The following EIF4E3 variants were observed in gnomAD, a reference collection of about 807,000 sequenced individuals.
EIF4E3 encodes the protein eukaryotic translation initiation factor 4E family member 3.
EIF4E3 carries 26 observed loss-of-function variants against 31.7 expected under a neutral mutation model. That is an observed-to-expected ratio of 0.82 (90% CI 0.60 to 1.14). The LOEUF (loss-of-function observed/expected upper bound fraction) is 1.14. Among genes scored for constraint, EIF4E3 ranks in the 50% most tolerant of loss-of-function variants. The pLI is 0.00. For synonymous variants in EIF4E3, 128 were observed against 107.7 expected (o/e 1.19, Z -1.17); for missense variants, 304 against 270.9 (o/e 1.12, Z -0.86).
intron 1 of EIF4E3, among the ~76,000 whole-genome samples, chr3:71,719,416 G>C (rs904741289): frequency 4.6e-5 from 7 of 152,038 alleles, no homozygotes; most frequent in African/African-American, 1.7e-4. Flanking sequence ...AACAAGCACA[G>C]CCAGGTGATT....
chr3:71,696,660 GTTTTT>G lies in EIF4E3; in HGVS notation c.345-145_345-141del. On this transcript the variant is annotated intron_variant, in intron 3 of 6. Transcript: ENST00000425534. ...ATAGTTGGGCATTTTTCTTATTTTT[GTTTTT>G]TATTTTTTATTATGGACACATAATA... 3 of 930,350 alleles carry G rather than the reference GTTTTT, an allele frequency of 3.2e-6. No individual in the cohort carries two copies. The South Asian group carries it at 5.6e-5, about 17-fold the overall frequency. 57.6% of individuals were successfully genotyped at this position (930,350 alleles called of 1,614,324 possible). A position where few individuals can be genotyped will look rare whatever the true frequency, so the allele number is the denominator to read the frequency against.
In EIF4E3 at chr3:71,679,533, CA is replaced by C. The variant is rs1201416407; in HGVS notation, c.*5148del. Reference sequence around the variant, plus strand: ...GAAGGACACAAAAGCATAGAATATCCAAAAGCTATTGTATTGGATATTCTAA... The same window carrying C: ...GAAGGACACAAAAGCATAGAATATCCAAAGCTATTGTATTGGATATTCTAA... On this transcript the variant is annotated 3_prime_UTR_variant, in exon 7 of 7. Coordinates refer to ENST00000425534, the MANE Select transcript of EIF4E3 (RefSeq NM_001134651.2). The C allele has an allele frequency of 6.6e-6, 1 of 151,956 alleles. No individual in the cohort carries two copies. Among genetic ancestry groups the C allele is most frequent in the Non-Finnish European group, 1.5e-5 (1 of 67,962 alleles). The allele number at this position is 151,956 out of a possible 1,614,324, so 9.4% of individuals were successfully genotyped here. A position where few individuals can be genotyped will look rare whatever the true frequency, so the allele number is the denominator to read the frequency against.
the EIF4E3 span, among the ~76,000 whole-genome samples, chr3:71,668,802 GT>G: frequency 6.6e-6 from 1 of 152,218 alleles, no homozygotes; most frequent in Admixed American, 6.5e-5. Flanking sequence ...TGGTGGAAGT[GT>G]AAATTAGTTC....
chr3:71,724,347 G>A (rs1315372152), intron 1 of EIF4E3, among the ~76,000 whole-genome samples: 1 of 152,218 alleles, frequency 6.6e-6, no homozygotes, highest in African/African-American at 2.4e-5. Context: ...GAGGGGAGGT[G>A]TTGAGGAGCT....
chr3:71,708,004 G>A (rs1393748111), intron 2 of EIF4E3, among the ~76,000 whole-genome samples: 2 of 151,532 alleles, frequency 1.3e-5, no homozygotes, highest in Non-Finnish European at 2.9e-5. Flanking sequence ...TCCTGCCTCA[G>A]CCTCCCCAGT....
At chr3:71,703,008 C>A (rs552638881) in intron 2 of EIF4E3, among the ~76,000 whole-genome samples, 1 of 152,154 alleles carries the variant, frequency 6.6e-6, no homozygotes, top group Non-Finnish European at 1.5e-5. Context: ...ATTTCAGAAG[C>A]CTTTAGGCTT....
intron 1 of EIF4E3, among the ~76,000 whole-genome samples, chr3:71,746,456 A>G (rs2044607): frequency 0.31 from 47,482 of 152,088 alleles, 8,455 homozygotes; most frequent in Middle Eastern, 0.49. Context: ...GGCCCACCAA[A>G]GGGGGCAATC....
chr3:71,717,041 T>C (rs1158551106), intron 1 of EIF4E3, among the ~76,000 whole-genome samples: 1 of 152,246 alleles, frequency 6.6e-6, no homozygotes, highest in African/African-American at 2.4e-5. Context: ...CCTGGCTATC[T>C]TTTATCAGAC....
intron 1 of EIF4E3, among the ~76,000 whole-genome samples, chr3:71,751,386 T>C (rs918766543): frequency 3.9e-5 from 6 of 152,198 alleles, no homozygotes; most frequent in African/African-American, 1.4e-4. Flanking sequence ...ATTACAATGA[T>C]TACATTAAAT....
At chr3:71,750,693 G>A (rs945474691) in intron 1 of EIF4E3, among the ~76,000 whole-genome samples, 1 of 152,066 alleles carries the variant, frequency 6.6e-6, no homozygotes, top group African/African-American at 2.4e-5. Flanking sequence ...GCTGAGGTGG[G>A]AGGATCACTT....
chr3:71,727,278 G>A (rs1277181845), upstream of EIF4E3, among the ~76,000 whole-genome samples: 1 of 152,212 alleles, frequency 6.6e-6, no homozygotes, highest in Non-Finnish European at 1.5e-5. Context: ...GTATGCACAT[G>A]CAAGCATATA....
chr3:71,746,045 G>A (rs1468495803), intron 1 of EIF4E3, among the ~76,000 whole-genome samples: 1 of 152,174 alleles, frequency 6.6e-6, no homozygotes, highest in Non-Finnish European at 1.5e-5. Context: ...TGTACTAGCA[G>A]ATACAATCCC....
chr3:71,711,342 T>C (rs916014869), intron 1 of EIF4E3, among the ~76,000 whole-genome samples: 2 of 152,206 alleles, frequency 1.3e-5, no homozygotes, highest in Non-Finnish European at 1.5e-5. Flanking sequence ...ATCACACAAA[T>C]AATGCATGAA....
chr3:71,668,706 C>T, the EIF4E3 span, among the ~76,000 whole-genome samples: 5 of 152,232 alleles, frequency 3.3e-5, no homozygotes, highest in Non-Finnish European at 5.9e-5. Flanking sequence ...CACCATCTCA[C>T]GCCAGTTAGA....
intron 1 of EIF4E3, among the ~76,000 whole-genome samples, chr3:71,712,303 A>T (rs572098320): frequency 6.6e-6 from 1 of 152,300 alleles, no homozygotes; most frequent in East Asian, 1.9e-4. Context: ...TGGGCCCCTG[A>T]TGAAATACAT....
chr3:71,729,954 T>C (rs2049687216), upstream of EIF4E3, among the ~76,000 whole-genome samples: 1 of 151,956 alleles, frequency 6.6e-6, no homozygotes, highest in South Asian at 2.1e-4. Flanking sequence ...ATACTATAAA[T>C]ATGCAGGCCT....
intron 6 of EIF4E3, among the ~76,000 whole-genome samples, chr3:71,688,451 A>C (rs2049020698): frequency 6.6e-6 from 1 of 152,202 alleles, no homozygotes; most frequent in South Asian, 2.1e-4. Context: ...AACCTCCTCG[A>C]TACTCAGATG....
intron 2 of EIF4E3, among the ~76,000 whole-genome samples, chr3:71,703,432 C>G (rs1439647054): frequency 6.6e-6 from 1 of 152,144 alleles, no homozygotes; most frequent in Admixed American, 6.5e-5. Context: ...ACCCACGTTG[C>G]CTCCTCTGTA....
intron 2 of EIF4E3, among the ~76,000 whole-genome samples, chr3:71,700,830 C>T (rs2108051128): frequency 6.6e-6 from 1 of 152,322 alleles, no homozygotes; most frequent in East Asian, 1.9e-4. Flanking sequence ...ACGGACTGCA[C>T]ATCTGTGTCT....
Sources: allele counts gnomAD v4.1 joint callset (sites outside exome capture counted in the v4.1 genomes callset), GRCh38; gene constraint gnomAD v4.1.1; transcripts MANE v1.5; gene names NCBI Gene and HGNC (gene_info 2026-07-23, HGNC 2026-07-21).